The following SPATA16 variants were observed in gnomAD, a reference collection of about 807,000 sequenced individuals.
SPATA16 encodes the protein spermatogenesis-associated protein 16.
SPATA16 carries 36 observed loss-of-function variants against 63.3 expected under a neutral mutation model. The ratio of observed to expected loss-of-function variants is 0.57; its 90% CI spans 0.44 to 0.75. SPATA16 has a LOEUF of 0.75. SPATA16 is among the 30% of genes least tolerant of loss of function. The pLI is 0.00. For missense variants in SPATA16, 646 were observed against 679.3 expected (o/e 0.95, Z 0.54); for synonymous variants, 203 against 216.7 (o/e 0.94, Z 0.56).
intron 4 of SPATA16, among the ~76,000 whole-genome samples, chr3:172,986,857 G>A (rs1734471217): frequency 6.6e-6 from 1 of 152,146 alleles, no homozygotes; most frequent in Non-Finnish European, 1.5e-5. Context: ...GTGATTGCAG[G>A]AATTCTGGGG....
rs747744098 is a variant in SPATA16, at chr3:173,085,580, C to G, written c.612+31540G>C. ...GAATAGGAGTATTGAGAGAGGGCAT[C>G]CTTGTCTTGTGCTGGTTTTCAAGGG... On this transcript the variant is annotated intron_variant, in intron 2 of 10. Coordinates refer to ENST00000351008, the MANE Select transcript of SPATA16 (RefSeq NM_031955.6). 3.8e-4 allele frequency among the ~76,000 whole-genome samples: 58 copies of G among 152,040 alleles called. No homozygotes were observed. In the Middle Eastern group the frequency reaches 0.01, roughly 27 times the overall value.
chr3:173,004,217 C>G (rs145410143), intron 4 of SPATA16, among the ~76,000 whole-genome samples: 1 of 152,054 alleles, frequency 6.6e-6, no homozygotes, highest in Admixed American at 6.6e-5. Context: ...AATTTCCAGC[C>G]TGATCTTTGT....
intron 2 of SPATA16, among the ~76,000 whole-genome samples, chr3:173,099,948 A>G (rs956618996): frequency 2.6e-5 from 4 of 152,182 alleles, no homozygotes; most frequent in Non-Finnish European, 4.4e-5. Context: ...AGTGGGCAGC[A>G]ACTGTGTGAT....
At chr3:173,029,847 G>A (rs1735560058) in intron 3 of SPATA16, among the ~76,000 whole-genome samples, 1 of 151,954 alleles carries the variant, frequency 6.6e-6, no homozygotes, top group Non-Finnish European at 1.5e-5. Flanking sequence ...GTGTGATCAT[G>A]GTTTACTGCA....
rs766291987 is a variant in SPATA16 at position 172,924,251 on chromosome 3, C to G, written c.1295G>C (p.Arg432Pro). The change falls in exon 8 of 11, where the codon CGA (arginine) becomes CCA (proline). Residue 432 changes from arginine to proline, a missense_variant. Transcript: ENST00000351008. ...AATAAAATCCAATATTGGCAAGATT[C>G]GCTTCCCCATTGTCTCCATTTGCCT... ...TVRQMETMGKRILPILDFIRS... is the reference protein window; with the variant it reads ...TVRQMETMGKPILPILDFIRS... 5 of 1,613,404 alleles carry G rather than the reference C, an allele frequency of 3.1e-6. No individual in the cohort carries two copies. The highest frequency in any genetic ancestry group is 4.5e-5 in the East Asian group (2 of 44,818).
intron 6 of SPATA16, among the ~76,000 whole-genome samples, chr3:172,932,446 C>T (rs1297265355): frequency 6.6e-6 from 1 of 152,096 alleles, no homozygotes; most frequent in Non-Finnish European, 1.5e-5. Flanking sequence ...TGAGATAGGA[C>T]CATGTAAGTT....
chr3:173,128,315 T>A (rs1383471077), intron 1 of SPATA16, among the ~76,000 whole-genome samples: 2 of 152,166 alleles, frequency 1.3e-5, no homozygotes, highest in Admixed American at 6.5e-5. Context: ...TATATATCCC[T>A]TTTTTTCTTA....
At chr3:173,049,446 C>T (rs745997695) in intron 2 of SPATA16, among the ~76,000 whole-genome samples, 1 of 152,034 alleles carries the variant, frequency 6.6e-6, no homozygotes, top group Non-Finnish European at 1.5e-5. Context: ...ATAAAGCACA[C>T]AATAACCAAA....
At chr3:172,942,418 A>G (rs1733174601) in intron 6 of SPATA16, among the ~76,000 whole-genome samples, 1 of 152,210 alleles carries the variant, frequency 6.6e-6, no homozygotes, top group Non-Finnish European at 1.5e-5. Flanking sequence ...TAGTGAATTT[A>G]TTAATATCAG....
At chr3:173,112,541 G>C (rs546071947) in intron 2 of SPATA16, among the ~76,000 whole-genome samples, 33 of 152,158 alleles carry the variant, frequency 2.2e-4, no homozygotes, top group African/African-American at 8.0e-4. Flanking sequence ...TCCACCCTTG[G>C]TTTTCTCATT....
chr3:173,049,180 TTA>T lies in SPATA16; in HGVS notation c.613-88_613-87del, dbSNP rs1031588479. On this transcript the variant is annotated intron_variant, in intron 2 of 10. Coordinates refer to ENST00000351008, the MANE Select transcript of SPATA16 (RefSeq NM_031955.6). ...TAAGCAAAACATGTGTATGTTTTAT[TTA>T]TATATGTTTTGCTTATGCTTGCTTA... 6.9e-6 allele frequency: 10 copies of T among 1,440,372 alleles called. No homozygotes were observed. In the African/African-American group the frequency reaches 7.1e-5, roughly 10 times the overall value. The allele number at this position is 1,440,372 out of a possible 1,614,324, so 89.2% of individuals were successfully genotyped here. A position where few individuals can be genotyped will look rare whatever the true frequency, so the allele number is the denominator to read the frequency against.
In SPATA16 at chr3:173,117,426, T is replaced by G; in HGVS notation, c.306A>C (p.Glu102Asp). Residue 102 changes from glutamate to aspartate, a missense_variant, in exon 2 of 11, where the codon GAA (glutamate) becomes GAC (aspartate). Coordinates refer to ENST00000351008, the MANE Select transcript of SPATA16 (RefSeq NM_031955.6). ...PTRKKQAKIT[E>D]LDNQLITMPL... is the part of the protein sequence containing the mutation. ...GCATGGTGATTAACTGATTGTCAAG[T>G]TCTGTTATCTTTGCCTGTTTCTTTC... 4 of 1,614,158 alleles carry G rather than the reference T, an allele frequency of 2.5e-6. No homozygotes were observed. Among genetic ancestry groups the G allele is most frequent in the Non-Finnish European group, 3.4e-6 (4 of 1,180,010 alleles).
chr3:173,119,231 G>A (rs934818807), intron 1 of SPATA16, among the ~76,000 whole-genome samples: 12 of 152,120 alleles, frequency 7.9e-5, no homozygotes, highest in African/African-American at 2.4e-4. Flanking sequence ...CTAGATGACG[G>A]GTTGATAGCT....
At chr3:172,911,154 A>G (rs1365803283) in intron 10 of SPATA16, among the ~76,000 whole-genome samples, 1 of 152,204 alleles carries the variant, frequency 6.6e-6, no homozygotes, top group African/African-American at 2.4e-5. Context: ...ACAAACCTTC[A>G]ATCAGAAACA....
intron 6 of SPATA16, among the ~76,000 whole-genome samples, chr3:172,956,139 G>C (rs1443266673): frequency 6.6e-6 from 1 of 152,032 alleles, no homozygotes; most frequent in East Asian, 1.9e-4. Flanking sequence ...ATGAGAATGA[G>C]AACAAGTGAT....
chr3:172,923,901 TATTG>T (rs1466528716), intron 8 of SPATA16, among the ~76,000 whole-genome samples: 1 of 152,218 alleles, frequency 6.6e-6, no homozygotes, highest in Non-Finnish European at 1.5e-5. Context: ...AAAATTTTCT[TATTG>T]ATTTGAAATG....
intron 10 of SPATA16, among the ~76,000 whole-genome samples, chr3:172,901,988 A>G (rs1242008506): frequency 1.3e-5 from 2 of 152,136 alleles, no homozygotes; most frequent in East Asian, 1.9e-4. Context: ...CAGACTCCCT[A>G]CTTGTTCTTC....
chr3:173,104,942 G>C (rs9881317), intron 2 of SPATA16, among the ~76,000 whole-genome samples: 5,826 of 152,090 alleles, frequency 0.038, 366 homozygotes, highest in African/African-American at 0.13. Flanking sequence ...CCTTTTAAAG[G>C]AATTCTATGA....
intron 2 of SPATA16, among the ~76,000 whole-genome samples, chr3:173,091,441 A>G (rs1417641630): frequency 1.3e-5 from 2 of 152,052 alleles, no homozygotes; most frequent in African/African-American, 4.8e-5. Flanking sequence ...GACATTTCAC[A>G]TCAAGTTAAT....
Sources: allele counts gnomAD v4.1 joint callset (sites outside exome capture counted in the v4.1 genomes callset), GRCh38; gene constraint gnomAD v4.1.1; transcripts MANE v1.5; gene names NCBI Gene and HGNC (gene_info 2026-07-23, HGNC 2026-07-21).